ELL2: variants seen among roughly 807,000 people sequenced by gnomAD.
The protein encoded by ELL2 is RNA polymerase II elongation factor ELL2.
ELL2 carries 21 observed loss-of-function variants against 72.8 expected under a neutral mutation model. The observed-to-expected ratio is 0.29, with a 90% CI of 0.20 to 0.42. ELL2 has a LOEUF of 0.42. ELL2 is among the 10% of genes least tolerant of loss of function. The pLI, the probability that ELL2 is intolerant of heterozygous loss-of-function variation, is 1.00. For synonymous variants in ELL2, 266 were observed against 283.2 expected, an observed-to-expected ratio of 0.94 and a Z score of 0.61; for missense variants, 568 against 772.8, an observed-to-expected ratio of 0.73 and a Z score of 3.14.
At chr5:95,924,533 A>G (rs1750217127) in intron 2 of ELL2, among the ~76,000 whole-genome samples, 1 of 152,232 alleles carries the variant, frequency 6.6e-6, no homozygotes, top group Non-Finnish European at 1.5e-5. Flanking sequence ...TTGAATTTTT[A>G]GCTAAATGCC....
chr5:95,959,311 G>A (rs1751727043), intron 1 of ELL2, among the ~76,000 whole-genome samples: 1 of 152,162 alleles, frequency 6.6e-6, no homozygotes, highest in African/African-American at 2.4e-5. Context: ...TGTGTGTCAA[G>A]TCTTTCTCTG....
At chr5:95,929,165 G>A (rs559324217) in intron 2 of ELL2, among the ~76,000 whole-genome samples, 1 of 152,104 alleles carries the variant, frequency 6.6e-6, no homozygotes, top group African/African-American at 2.4e-5. Flanking sequence ...CGCTATTGCT[G>A]CCTTCACTAC....
intron 2 of ELL2, among the ~76,000 whole-genome samples, chr5:95,920,854 A>C (rs1750044321): frequency 6.6e-6 from 1 of 152,238 alleles, no homozygotes; most frequent in South Asian, 2.1e-4. Context: ...CAAGTAGGGA[A>C]GGGAAAAGTG....
In ELL2 at chr5:95,885,864, TA is replaced by T. The variant is rs1420856500; in HGVS notation, c.*3006del. Reference sequence around the variant, plus strand: ...ATTACTACCTTAAAGAGTTGAAAGTTAAGCCCTCTAAAGTATTCAAAGTGGA... The same window carrying T: ...ATTACTACCTTAAAGAGTTGAAAGTTAGCCCTCTAAAGTATTCAAAGTGGA... On this transcript the variant is annotated 3_prime_UTR_variant, in exon 12 of 12. Coordinates refer to ENST00000237853, the MANE Select transcript of ELL2 (RefSeq NM_012081.6). 6.6e-6 allele frequency: 1 copy of T among 152,222 alleles called. No individual in the cohort carries two copies. The highest frequency in any genetic ancestry group is 1.5e-5 in the Non-Finnish European group (1 of 68,032). 9.4% of individuals were successfully genotyped at this position (152,222 alleles called of 1,614,324 possible). A position where few individuals can be genotyped will look rare whatever the true frequency, so the allele number is the denominator to read the frequency against.
intron 4 of ELL2, among the ~76,000 whole-genome samples, chr5:95,907,338 A>C (rs949555514): frequency 2.0e-5 from 3 of 148,196 alleles, no homozygotes; most frequent in Non-Finnish European, 4.4e-5. Flanking sequence ...AGGATTCATA[A>C]AACAAAACTA....
At chr5:95,899,856 T>C (rs1749064994) in intron 7 of ELL2, among the ~76,000 whole-genome samples, 1 of 152,216 alleles carries the variant, frequency 6.6e-6, no homozygotes, top group African/African-American at 2.4e-5. Context: ...CTTTTTTTCC[T>C]TTTTCTTTTT....
intron 8 of ELL2, 43 bp downstream of exon 8, chr5:95,898,197 C>T: frequency 6.9e-7 from 1 of 1,458,074 alleles, no homozygotes; most frequent in Non-Finnish European, 9.3e-7. Context: ...TAATTTCAAA[C>T]TCATGATAGC....
At chr5:95,942,162 C>T (rs911839370) in intron 2 of ELL2, among the ~76,000 whole-genome samples, 11 of 152,130 alleles carry the variant, frequency 7.2e-5, no homozygotes, top group African/African-American at 2.7e-4. Flanking sequence ...GACACTTTTG[C>T]ATTTTGTGAC....
chr5:95,939,393 A>G (rs1750891320), intron 2 of ELL2, among the ~76,000 whole-genome samples: 1 of 152,220 alleles, frequency 6.6e-6, no homozygotes, highest in Non-Finnish European at 1.5e-5. Context: ...CAAAGTACAT[A>G]ACAAGCACTT....
chr5:95,918,040 A>G (rs959922174), intron 3 of ELL2, among the ~76,000 whole-genome samples: 19 of 152,206 alleles, frequency 1.2e-4, no homozygotes, highest in African/African-American at 4.6e-4. Flanking sequence ...CCACTAACTA[A>G]CCAGCTACAT....
chr5:95,923,847 C>G (rs1276925331), intron 2 of ELL2, among the ~76,000 whole-genome samples: 1 of 152,196 alleles, frequency 6.6e-6, no homozygotes, highest in Non-Finnish European at 1.5e-5. Context: ...CATCTAATTT[C>G]TTGAAGATGT....
intron 1 of ELL2, among the ~76,000 whole-genome samples, chr5:95,956,773 C>T (rs564399829): frequency 3.3e-5 from 5 of 152,128 alleles, no homozygotes; most frequent in Non-Finnish European, 7.4e-5. Flanking sequence ...TCAAGTAACA[C>T]ATTGAAGGGA....
intron 5 of ELL2, 137 bp from the exon 6 acceptor site, chr5:95,901,217 GC>G: frequency 1.2e-6 from 1 of 860,134 alleles, no homozygotes; most frequent in Non-Finnish European, 1.7e-6. Context: ...TGTATTATAT[GC>G]CAGATCTCAA....
In ELL2 at chr5:95,961,737, G is replaced by A. The variant is rs976114832; in HGVS notation, c.-16C>T. 9.4e-6 allele frequency: 15 copies of A among 1,588,594 alleles called. No individual in the cohort carries two copies. The highest frequency in any genetic ancestry group is 6.9e-5 in the African/African-American group (5 of 72,904). On this transcript the variant is annotated 5_prime_UTR_variant, in exon 1 of 12. Transcript: ENST00000237853. ...CCGCCGCCATCTTAAACTCCCCGGG[G>A]TGCCGCCGCCGCCGCCGCTCCGGCT...
intron 1 of ELL2, among the ~76,000 whole-genome samples, chr5:95,954,138 G>A (rs1751527447): frequency 1.3e-5 from 2 of 152,080 alleles, no homozygotes; most frequent in South Asian, 4.1e-4. Context: ...ATACAGCACT[G>A]TTTTATATAT....
chr5:95,889,095 C>T lies in ELL2; in HGVS notation c.1797G>A (p.Lys599=), dbSNP rs1385370248. Residue 599 remains lysine, a synonymous_variant, in exon 11 of 12, where the codon AAG becomes AAA. Transcript: ENST00000237853. ...CAGTGATGATACCTACCTGCTTTATCTTCTGATATTCTTGTAAGACTTCTT... is the reference window on the plus strand; with the variant it reads ...CAGTGATGATACCTACCTGCTTTATTTTCTGATATTCTTGTAAGACTTCTT... ...VHEEVLQEYQ[K]IKQSSPNYHE... 2.5e-6 allele frequency: 4 copies of T among 1,610,318 alleles called. No homozygotes were observed. Among genetic ancestry groups the T allele is most frequent in the East Asian group, 2.2e-5 (1 of 44,764 alleles).
chr5:95,905,060 T>C (rs369870032), intron 5 of ELL2, among the ~76,000 whole-genome samples: 2 of 152,158 alleles, frequency 1.3e-5, no homozygotes, highest in East Asian at 1.9e-4. Flanking sequence ...CACCTTCAGA[T>C]ACTTGGCTTT....
At chr5:95,911,094 G>T (rs1749574683) in intron 4 of ELL2, among the ~76,000 whole-genome samples, 1 of 152,154 alleles carries the variant, frequency 6.6e-6, no homozygotes, top group Non-Finnish European at 1.5e-5. Flanking sequence ...GTATTGAAGG[G>T]TGATTGATAT....
chr5:95,897,136 A>T (rs1748905892), intron 8 of ELL2, among the ~76,000 whole-genome samples: 1 of 152,274 alleles, frequency 6.6e-6, no homozygotes, highest in African/African-American at 2.4e-5. Flanking sequence ...AGAAAAGCAC[A>T]TATCATATCA....
Sources: gnomAD v4.1 joint callset for allele counts (sites outside exome capture counted in the v4.1 genomes callset) on GRCh38, gnomAD v4.1.1 for gene constraint, MANE v1.5 for transcripts, NCBI Gene and HGNC (gene_info 2026-07-23, HGNC 2026-07-21) for gene names.